COPG2: variants seen among roughly 807,000 people sequenced by gnomAD.
COPG2 encodes coat protein complex I subunit gamma 2.
A neutral mutation model predicts 46.3 loss-of-function variants in COPG2; 37 were observed. That is an observed-to-expected ratio of 0.80 (90% CI 0.61 to 1.05). The LOEUF (loss-of-function observed/expected upper bound fraction) is 1.05. Ranked by LOEUF, COPG2 falls within the 50% of genes least tolerant of loss-of-function variation. The pLI is 0.00. For missense variants in COPG2, 427 were observed against 387.8 expected (o/e 1.10, Z -0.85); for synonymous variants, 159 against 129.7 (o/e 1.23, Z -1.53).
At chr7:130,630,025 C>A (rs1554454951) in intron 5 of COPG2, among the ~76,000 whole-genome samples, 1 of 151,300 alleles carries the variant, frequency 6.6e-6, no homozygotes, top group African/African-American at 2.4e-5. Flanking sequence ...TCAAGTGATT[C>A]TCTCGCCTCA....
In COPG2 at chr7:130,668,695, CCACCGCAACCGTCCCAGG is replaced by C. The variant is rs1563076563; in HGVS notation, c.-45_-28del. On this transcript the variant is annotated 5_prime_UTR_variant, in exon 1 of 24. Coordinates refer to ENST00000425248, the MANE Select transcript of COPG2 (RefSeq NM_012133.6). ...TTGGACGACTTCCCAGCGCCCAGAC[CCACCGCAACCGTCCCAGG>C]CGCCGCAGCCGGCGAGCGGAAGAGG... 6 of 1,521,846 alleles carry C rather than the reference CCACCGCAACCGTCCCAGG, an allele frequency of 3.9e-6. No homozygotes were observed. The highest frequency in any genetic ancestry group is 5.3e-6 in the Non-Finnish European group (6 of 1,135,514). The allele number at this position is 1,521,846 out of a possible 1,614,324, so 94.3% of individuals were successfully genotyped here.
At chr7:130,624,344 G>C (rs1795083514) in intron 5 of COPG2, among the ~76,000 whole-genome samples, 1 of 152,062 alleles carries the variant, frequency 6.6e-6, no homozygotes, top group African/African-American at 2.4e-5. Flanking sequence ...AATCTTTTTG[G>C]TTGTTGTTGT....
At chr7:130,645,164 G>T in intron 5 of COPG2, 1 of 562,002 alleles carries the variant, frequency 1.8e-6, no homozygotes, top group Non-Finnish European at 3.4e-6. Context: ...AAGAAAATAT[G>T]GTCCTCATGC....
intron 20 of COPG2, among the ~76,000 whole-genome samples, chr7:130,510,384 A>T (rs1406922712): frequency 6.6e-6 from 1 of 152,210 alleles, no homozygotes; most frequent in African/African-American, 2.4e-5. Flanking sequence ...AGTTAACACA[A>T]GGCCAGAACA....
At chr7:130,658,969 C>A (rs753508089) in intron 4 of COPG2, among the ~76,000 whole-genome samples, 1 of 152,110 alleles carries the variant, frequency 6.6e-6, no homozygotes, top group Non-Finnish European at 1.5e-5. Flanking sequence ...CGTGAGCCAC[C>A]GGGCCCAGCC....
chr7:130,534,037 C>T (rs1024712168), intron 20 of COPG2, among the ~76,000 whole-genome samples: 212 of 151,262 alleles, frequency 1.4e-3, no homozygotes, highest in African/African-American at 4.7e-3. Context: ...ACATGGAAAA[C>T]AGGAAGATGG....
At chr7:130,512,109 T>C (rs1449711706) in intron 20 of COPG2, among the ~76,000 whole-genome samples, 3 of 149,516 alleles carry the variant, frequency 2.0e-5, no homozygotes, top group African/African-American at 7.4e-5. Flanking sequence ...TGGCCCATGC[T>C]TGTAATCCCA....
chr7:130,552,421 C>T lies in COPG2; in HGVS notation c.1478G>A (p.Ser493Asn). The T allele has an allele frequency of 2.5e-6, 1 of 398,226 alleles. No homozygotes were observed. Among genetic ancestry groups the T allele is most frequent in the Non-Finnish European group, 4.4e-6 (1 of 225,884 alleles). The allele number at this position is 398,226 out of a possible 1,614,324, so 24.7% of individuals were successfully genotyped here. A position where few individuals can be genotyped will look rare whatever the true frequency, so the allele number is the denominator to read the frequency against. The change falls in exon 15 of 24, where the codon AGT (serine) becomes AAT (asparagine). Residue 493 changes from serine to asparagine, a missense_variant. Ser to Asn is a conservative substitution (Grantham distance 46). Transcript: ENST00000425248. Reference sequence around the variant, plus strand: ...CTGAGCCCCAAATTTAGCCAAAGCACTCACAGCAGCTATAATGAAGCATAC... The same window carrying T: ...CTGAGCCCCAAATTTAGCCAAAGCATTCACAGCAGCTATAATGAAGCATAC... ...ENEAVRAAAV[S>N]ALAKFGAQNE...
intron 9 of COPG2, among the ~76,000 whole-genome samples, chr7:130,602,245 C>T (rs145591478): frequency 0.06 from 9,066 of 152,204 alleles, 417 homozygotes; most frequent in Non-Finnish European, 0.086. Flanking sequence ...GAAGGCTTTA[C>T]CTCAATCAAT....
chr7:130,523,991 C>G (rs1162758323), intron 20 of COPG2, among the ~76,000 whole-genome samples: 5 of 151,582 alleles, frequency 3.3e-5, no homozygotes, highest in African/African-American at 9.7e-5. Context: ...TAGGTGGAGG[C>G]GGGACAGGAG....
intron 5 of COPG2, among the ~76,000 whole-genome samples, chr7:130,641,064 G>C (rs1212925394): frequency 2.0e-5 from 3 of 151,704 alleles, no homozygotes; most frequent in Non-Finnish European, 4.4e-5. Flanking sequence ...CCGAGGCTAG[G>C]GGTAGTGGCT....
At chr7:130,526,771 C>G (rs1799778054) in intron 20 of COPG2, among the ~76,000 whole-genome samples, 1 of 140,052 alleles carries the variant, frequency 7.1e-6, no homozygotes, top group African/African-American at 2.6e-5. Context: ...AACTTTGTTG[C>G]AAAGGTGTGA....
chr7:130,608,301 C>T (rs1794776377), intron 9 of COPG2: 1 of 362,074 alleles, frequency 2.8e-6, no homozygotes, highest in South Asian at 2.3e-5. Context: ...TATATATAAG[C>T]CCCATAATTT....
At chr7:130,630,951 G>A (rs1467887968) in intron 5 of COPG2, among the ~76,000 whole-genome samples, 3 of 152,110 alleles carry the variant, frequency 2.0e-5, no homozygotes, top group Non-Finnish European at 4.4e-5. Context: ...GACCGCTTGA[G>A]CCCAGGGGTT....
At chr7:130,651,484 ATTTTTTTGTATTT>A (rs1795740340) in intron 5 of COPG2, among the ~76,000 whole-genome samples, 3 of 125,642 alleles carry the variant, frequency 2.4e-5, no homozygotes, top group Non-Finnish European at 3.2e-5. Flanking sequence ...TGCCTGGCTA[ATTTTTTTGTATTT>A]TTTTTTTTTT....
chr7:130,514,824 A>G (rs1011291972), intron 20 of COPG2, among the ~76,000 whole-genome samples: 2 of 152,218 alleles, frequency 1.3e-5, no homozygotes, highest in Admixed American at 6.5e-5. Flanking sequence ...TGGCGTGGTA[A>G]TAAGAAAGAC....
At chr7:130,590,677 C>A (rs1445290535) in intron 9 of COPG2, among the ~76,000 whole-genome samples, 2 of 152,052 alleles carry the variant, frequency 1.3e-5, no homozygotes, top group Non-Finnish European at 2.9e-5. Context: ...CCGGCCACCA[C>A]CCCGTCTGGG....
At chr7:130,615,259 T>C (rs1554452698) in intron 6 of COPG2, among the ~76,000 whole-genome samples, 1 of 152,222 alleles carries the variant, frequency 6.6e-6, no homozygotes, top group Non-Finnish European at 1.5e-5. Context: ...AGCCACCAAG[T>C]GAACTGGATT....
intron 4 of COPG2, among the ~76,000 whole-genome samples, chr7:130,654,194 A>T (rs1795803492): frequency 6.6e-6 from 1 of 152,238 alleles, no homozygotes; most frequent in South Asian, 2.1e-4. Context: ...GCTCTTAACC[A>T]CTAAAACATA....
Sources: gnomAD v4.1 joint callset for allele counts (sites outside exome capture counted in the v4.1 genomes callset) on GRCh38, gnomAD v4.1.1 for gene constraint, MANE v1.5 for transcripts, NCBI Gene and HGNC (gene_info 2026-07-23, HGNC 2026-07-21) for gene names.